WNK3: variants seen among roughly 807,000 people sequenced by gnomAD.
WNK3 encodes the protein WNK lysine deficient protein kinase 3.
Under a neutral mutation model 116.7 loss-of-function variants are expected in WNK3, and 18 were observed. That is an observed-to-expected ratio of 0.15 (90% CI 0.11 to 0.23). The LOEUF is 0.23. WNK3 is among the 10% of genes least tolerant of loss of function. WNK3 has a pLI of 1.00. For missense variants in WNK3, 993 were observed against 1,323.8 expected (o/e 0.75, Z 3.88); for synonymous variants, 404 against 469.4 (o/e 0.86, Z 1.80).
At chrX:54,224,175 G>C (rs1183371032) in intron 22 of WNK3, 1 of 111,739 alleles carries the variant, frequency 8.9e-6, no homozygotes, top group Non-Finnish European at 1.9e-5. Flanking sequence ...CCAACATAGA[G>C]AACCCCATCT....
At chrX:54,269,500 A>T (rs1557158740) in intron 10 of WNK3, among the ~76,000 whole-genome samples, 1 of 111,598 alleles carries the variant, frequency 9.0e-6, no homozygotes, top group Non-Finnish European at 1.9e-5. Context: ...GCTTTGGAAA[A>T]CTGTCTGGCA....
intron 23 of WNK3, 77 bp from the exon 24 acceptor site, chrX:54,198,730 C>CA: frequency 1.4e-6 from 1 of 726,523 alleles, no homozygotes; most frequent in Non-Finnish European, 1.9e-6. Flanking sequence ...CCTTCCTATT[C>CA]TTTTTTTTTC....
intron 2 of WNK3, among the ~76,000 whole-genome samples, chrX:54,322,999 G>A (rs782437540): frequency 6.2e-4 from 69 of 111,338 alleles, no homozygotes; most frequent in Admixed American, 9.7e-4. Flanking sequence ...GAACACTACA[G>A]TTATAATGAT....
chrX:54,278,234 C>G (rs782178354), intron 10 of WNK3, among the ~76,000 whole-genome samples: 1 of 110,455 alleles, frequency 9.1e-6, no homozygotes, highest in East Asian at 2.8e-4. Flanking sequence ...CAAAGAAGAT[C>G]TAAATAAATG....
rs374732540 is a variant in WNK3, at chrX:54,294,522, C to A, written c.1693+31G>T. ...AGATTAGAGAATATAATTGCACATGCGTTTGCTTTTACAAGCTGTAACTGT... is the reference window on the plus strand; with the variant it reads ...AGATTAGAGAATATAATTGCACATGAGTTTGCTTTTACAAGCTGTAACTGT... On this transcript the variant is annotated intron_variant, in intron 8 of 23. Coordinates refer to ENST00000354646, the Ensembl canonical transcript of WNK3. 6 of 1,076,326 alleles carry A rather than the reference C, an allele frequency of 5.6e-6. No individual in the cohort carries two copies. In the East Asian group the frequency reaches 1.8e-4, roughly 33 times the overall value. The allele number at this position is 1,076,326 out of a possible 1,213,427, so 88.7% of individuals were successfully genotyped here. A position where few individuals can be genotyped will look rare whatever the true frequency, so the allele number is the denominator to read the frequency against.
At chrX:54,289,749 G>A (rs983443033) in intron 10 of WNK3, among the ~76,000 whole-genome samples, 2 of 111,137 alleles carry the variant, frequency 1.8e-5, no homozygotes. Context: ...AATTAGAAGG[G>A]AGCTGAGCTG....
At chrX:54,245,145 CGTGTGTGTGTGTGTGTGTGTGT>C (rs782272022) in intron 17 of WNK3, among the ~76,000 whole-genome samples, 3 of 84,673 alleles carry the variant, frequency 3.5e-5, no homozygotes, top group African/African-American at 8.8e-5. Flanking sequence ...CATATATATG[CGTGTGTGTGTGTGTGTGTGTGT>C]GTGTGTGTGT....
intron 21 of WNK3, 131 bp downstream of exon 21, chrX:54,232,678 T>C: frequency 1.7e-6 from 1 of 573,839 alleles, no homozygotes. Context: ...AAACAGAAAA[T>C]AATCTCAGAA....
At chrX:54,319,824 C>A (rs112119312) in intron 2 of WNK3, among the ~76,000 whole-genome samples, 1,211 of 111,936 alleles carry the variant, frequency 0.011, 14 homozygotes, top group African/African-American at 0.038. Flanking sequence ...TTAATGACAA[C>A]CACTTTGGTA....
chrX:54,348,122 A>ATGTG (rs1166219355), intron 1 of WNK3, among the ~76,000 whole-genome samples: 1 of 98,531 alleles, frequency 1.0e-5, no homozygotes, highest in African/African-American at 4.6e-5. Context: ...TTCATTGTAT[A>ATGTG]TATGTGTGTG....
At chrX:54,219,789 ATTG>A (rs1480619024) in intron 22 of WNK3, among the ~76,000 whole-genome samples, 2 of 109,551 alleles carry the variant, frequency 1.8e-5, no homozygotes, top group East Asian at 5.7e-4. Context: ...GTAGTTGGAG[ATTG>A]TTATGTTTTA....
exon 20 of WNK3, chrX:54,236,965 T>C (rs929982592): frequency 5.0e-6 from 6 of 1,205,073 alleles, no homozygotes; most frequent in Non-Finnish European, 6.7e-6. Context: ...AAGCTCCACC[T>C]TCAAGTCCTC....
chrX:54,231,951 A>C (rs1325115052), intron 21 of WNK3, among the ~76,000 whole-genome samples: 2 of 110,393 alleles, frequency 1.8e-5, no homozygotes, highest in East Asian at 5.6e-4. Context: ...CTTATTTTTC[A>C]AAGTCAAAGA....
intron 2 of WNK3, among the ~76,000 whole-genome samples, chrX:54,317,921 C>T (rs782335407): frequency 9.1e-5 from 10 of 109,944 alleles, no homozygotes; most frequent in East Asian, 2.9e-4. Flanking sequence ...CGTGAGCCAC[C>T]GCGCCCAGCC....
exon 17 of WNK3, chrX:54,249,219 G>A (rs782522475): frequency 2.5e-6 from 3 of 1,210,264 alleles, no homozygotes; most frequent in Admixed American, 4.4e-5. Context: ...GTACTGATAA[G>A]GTTTGAGGCT....
At chrX:54,226,915 AT>A (rs199947411) in intron 22 of WNK3, among the ~76,000 whole-genome samples, 2,317 of 111,539 alleles carry the variant, frequency 0.021, 59 homozygotes, top group African/African-American at 0.072. Flanking sequence ...TAGGCAATAG[AT>A]TTTTTTTCTT....
At chrX:54,254,615 A>G (rs2068170724) in intron 12 of WNK3, among the ~76,000 whole-genome samples, 1 of 111,807 alleles carries the variant, frequency 8.9e-6, no homozygotes, top group African/African-American at 3.2e-5. Flanking sequence ...TTTTGCTGCA[A>G]AGATATACAG....
intron 1 of WNK3, among the ~76,000 whole-genome samples, chrX:54,350,646 A>G (rs1421753745): frequency 9.0e-6 from 1 of 111,702 alleles, no homozygotes; most frequent in Non-Finnish European, 1.9e-5. Context: ...AATTCCAAGT[A>G]TCTAGTGCAT....
At chrX:54,307,894 A>G (rs782104206) in intron 5 of WNK3, 28 bp downstream of exon 5, 2 of 1,131,059 alleles carry the variant, frequency 1.8e-6, no homozygotes, top group Admixed American at 2.8e-5. Flanking sequence ...GGCAACTGAT[A>G]AAGTAAAAAG....
Sources: gnomAD v4.1 joint callset for allele counts (sites outside exome capture counted in the v4.1 genomes callset) on GRCh38, gnomAD v4.1.1 for gene constraint, MANE v1.5 for transcripts, NCBI Gene and HGNC (gene_info 2026-07-23, HGNC 2026-07-21) for gene names.